RAP1GAP: variants seen among roughly 807,000 people sequenced by gnomAD.
RAP1GAP encodes the protein rap1 GTPase-activating protein 1.
A neutral mutation model predicts 87.2 loss-of-function variants in RAP1GAP; 35 were observed. The ratio of observed to expected loss-of-function variants is 0.40; its 90% CI spans 0.31 to 0.53. The LOEUF is 0.53. Ranked by LOEUF, RAP1GAP falls within the 20% of genes least tolerant of loss-of-function variation. RAP1GAP has a pLI of 0.48. For synonymous variants in RAP1GAP, 375 were observed against 363.9 expected, an observed-to-expected ratio of 1.03 and a Z score of -0.35; for missense variants, 734 against 898.9, an observed-to-expected ratio of 0.82 and a Z score of 2.35.
intron 2 of RAP1GAP, among the ~76,000 whole-genome samples, chr1:21,641,074 A>ATTTTTTTTTT (rs546229041): frequency 7.6e-6 from 1 of 132,130 alleles, no homozygotes; most frequent in African/African-American, 2.9e-5. Context: ...CGCCCAGCTA[A>ATTTTTTTTTT]TTTTTTTTTT....
chr1:21,612,176 G>C (rs1036452117), intron 10 of RAP1GAP, 67 bp from the exon 11 acceptor site: 1 of 1,307,780 alleles, frequency 7.6e-7, no homozygotes, highest in East Asian at 2.5e-5. Context: ...CTCTTCCCCC[G>C]TGCCAAGCAC....
Position 21,603,726 on chromosome 1 carries a change from G to T in RAP1GAP, c.1429-813C>A. 8.0e-7 allele frequency: 1 copy of T among 1,248,500 alleles called. No homozygotes were observed. Among genetic ancestry groups the T allele is most frequent in the Non-Finnish European group, 1.2e-6 (1 of 852,874 alleles). 77.3% of individuals were successfully genotyped at this position (1,248,500 alleles called of 1,614,324 possible). ...CTCCATCCCGCACGCCCTGGGGCCT[G>T]TCCCGGGGGCAGAGGGGCAACGTCC... On this transcript the variant is annotated intron_variant, in intron 18 of 24. Transcript: ENST00000374765. This position sits in a 1 kb window ranked among gnomAD's most constrained non-coding sequence, Gnocchi z 6.0.
Position 21,613,956 on chromosome 1 carries a change from G to A in RAP1GAP, c.395+30C>T. On this transcript the variant is annotated intron_variant, in intron 8 of 24. Transcript: ENST00000374765. This position sits in a 1 kb window ranked among gnomAD's most constrained non-coding sequence, Gnocchi z 4.7. Reference sequence around the variant, plus strand: ...AGATTGTAAGACCTCAGCCCTTCCTGCCATCTCAGGACTCCCCCACCACCC... The same window carrying A: ...AGATTGTAAGACCTCAGCCCTTCCTACCATCTCAGGACTCCCCCACCACCC... 1 of 1,501,192 alleles carries A rather than the reference G, an allele frequency of 6.7e-7. No individual in the cohort carries two copies. Among genetic ancestry groups the A allele is most frequent in the Non-Finnish European group, 9.2e-7 (1 of 1,086,926 alleles). 93.0% of individuals were successfully genotyped at this position (1,501,192 alleles called of 1,614,324 possible). A position where few individuals can be genotyped will look rare whatever the true frequency, so the allele number is the denominator to read the frequency against.
Position 21,598,032 on chromosome 1 carries a change from T to A in RAP1GAP, c.1912A>T (p.Lys638Ter). ...TCGGGACACGCAGGGTCCCCCAACT[T>A]GCCGGCGTCTGGGTGGGGTGATCGA... ...PSRSPHPDAG[K>*]LGDPACPEIK... Residue 638 changes from lysine to a stop codon, truncating the protein, a stop_gained, in exon 23 of 25, where the codon AAG (lysine) becomes TAG (stop). Transcript: ENST00000374765. LOFTEE classifies it high-confidence loss of function. 2 of 1,478,010 alleles carry A rather than the reference T, an allele frequency of 1.4e-6. No individual in the cohort carries two copies. Among genetic ancestry groups the A allele is most frequent in the Non-Finnish European group, 1.8e-6 (2 of 1,099,298 alleles). 91.6% of individuals were successfully genotyped at this position (1,478,010 alleles called of 1,614,324 possible).
At chr1:21,667,995 ACCTGAT>A (rs1207952563) in intron 1 of RAP1GAP, among the ~76,000 whole-genome samples, 1 of 152,052 alleles carries the variant, frequency 6.6e-6, no homozygotes, top group Non-Finnish European at 1.5e-5. Context: ...GGCCAGCTGG[ACCTGAT>A]CACTGCCTCC....
intron 2 of RAP1GAP, among the ~76,000 whole-genome samples, chr1:21,631,744 T>C (rs1237864280): frequency 6.6e-6 from 1 of 152,166 alleles, no homozygotes; most frequent in African/African-American, 2.4e-5. Context: ...TATAAACCTT[T>C]TTTCCAGATG....
At position 21,668,346 on chromosome 1, in the gene RAP1GAP, G is replaced by T. The variant is rs2097445705; in HGVS notation, c.-149+908C>A. 6.6e-6 allele frequency among the ~76,000 whole-genome samples: 1 copy of T among 152,140 alleles called. No individual in the cohort carries two copies. Among genetic ancestry groups the T allele is most frequent in the Non-Finnish European group, 1.5e-5 (1 of 68,016 alleles). ...CTGCCGCCCCAGGGGCCTGACCTCT[G>T]ACTTGGCAGGGAGGGGAATGGAGCC... On this transcript the variant is annotated intron_variant, in intron 1 of 24. Coordinates refer to ENST00000374765, the MANE Select transcript of RAP1GAP (RefSeq NM_002885.4). This position sits in a 1 kb window ranked among gnomAD's most constrained non-coding sequence, Gnocchi z 6.2.
chr1:21,649,935 G>C, intron 1 of RAP1GAP, 139 bp from the exon 2 acceptor site: 1 of 844,594 alleles, frequency 1.2e-6, no homozygotes, highest in South Asian at 1.6e-5. Flanking sequence ...GCCTGATGCA[G>C]TCACTATCAC....
At chr1:21,626,457 G>A (rs1293003994) in intron 2 of RAP1GAP, 60 bp from the exon 3 acceptor site, 1 of 1,370,846 alleles carries the variant, frequency 7.3e-7, no homozygotes, top group African/African-American at 1.4e-5. Flanking sequence ...TGGGAACTCT[G>A]GGAGAGTCAC....
Position 21,626,558 on chromosome 1 carries a change from G to A in RAP1GAP, c.-112-161C>T, listed in dbSNP as rs139927819. ...AGGAGGGAGAGGAGGGGCTTCATTA[G>A]CAGGGCTACCACACAGGCTTCTCCT... On this transcript the variant is annotated intron_variant, in intron 2 of 24. Transcript: ENST00000374765. Among the ~76,000 whole-genome samples, 1,467 of 152,258 alleles carry A rather than the reference G, an allele frequency of 9.6e-3. 9 individuals carry two copies. Among genetic ancestry groups the A allele is most frequent in the Non-Finnish European group, 0.014 (983 of 67,996 alleles).
At chr1:21,633,706 T>A (rs1258293805) in intron 2 of RAP1GAP, among the ~76,000 whole-genome samples, 2 of 151,776 alleles carry the variant, frequency 1.3e-5, no homozygotes, top group Non-Finnish European at 2.9e-5. Context: ...GAGAAGAATT[T>A]TTTGGGGGCA....
chr1:21,639,470 G>A (rs1319590630), intron 2 of RAP1GAP, among the ~76,000 whole-genome samples: 2 of 152,246 alleles, frequency 1.3e-5, no homozygotes, highest in African/African-American at 4.8e-5. Flanking sequence ...AATCCTGCCT[G>A]TGCCAAGCTC....
chr1:21,657,888 G>A (rs947732899), intron 1 of RAP1GAP, among the ~76,000 whole-genome samples: 3 of 152,160 alleles, frequency 2.0e-5, no homozygotes, highest in African/African-American at 7.2e-5. Context: ...AGGCCAACCA[G>A]TCTGGGACTC....
At chr1:21,652,779 CTG>C (rs1421841740) in intron 1 of RAP1GAP, among the ~76,000 whole-genome samples, 2 of 152,300 alleles carry the variant, frequency 1.3e-5, no homozygotes, top group Admixed American at 1.3e-4. Context: ...CCAAGTGGAG[CTG>C]TGTCAGCAGA....
Position 21,598,059 on chromosome 1 carries a change from AG to A in RAP1GAP, c.1884del (p.Ser629LeufsTer144). The A allele has an allele frequency of 1.0e-6, 1 of 992,922 alleles. No individual in the cohort carries two copies. The highest frequency in any genetic ancestry group is 1.5e-6 in the Non-Finnish European group (1 of 686,066). The allele number at this position is 992,922 out of a possible 1,614,324, so 61.5% of individuals were successfully genotyped here. A position where few individuals can be genotyped will look rare whatever the true frequency, so the allele number is the denominator to read the frequency against. On this transcript the variant is annotated frameshift_variant, in exon 23 of 25. Transcript: ENST00000374765. LOFTEE classifies it high-confidence loss of function. ...STTSGGSSPG[P>X]SRSPHPDAGK... ...CCGGCGTCTGGGTGGGGTGATCGAG[AG>A]GGGCCTGGGGAGGGGGGCAGGAGGG...
intron 2 of RAP1GAP, among the ~76,000 whole-genome samples, chr1:21,640,747 ACT>A (rs1050017198): frequency 6.6e-6 from 1 of 151,938 alleles, no homozygotes; most frequent in African/African-American, 2.4e-5. Flanking sequence ...TGGAGGCCTG[ACT>A]CTGCCCTGCA....
chr1:21,607,867 A>C (rs1570573379), intron 17 of RAP1GAP, among the ~76,000 whole-genome samples: 1 of 146,792 alleles, frequency 6.8e-6, no homozygotes, highest in Non-Finnish European at 1.5e-5. Flanking sequence ...CCACACCCCC[A>C]CGCCATGTCC....
At position 21,610,192 on chromosome 1, in the gene RAP1GAP, G is replaced by A. The variant is rs556073567; in HGVS notation, c.927C>T (p.Ile309=). 1.5e-4 allele frequency: 244 copies of A among 1,614,012 alleles called. No individual in the cohort carries two copies. The highest frequency in any genetic ancestry group is 1.9e-4 in the Non-Finnish European group (229 of 1,180,034). The part of the protein sequence containing the change: ...DENTPFVPDM[I]ASNFLHAYVV... ...CGTAGGCATGCAGGAAGTTGGACGC[G>A]ATCATGTCGGGCACGAAAGGAGTGT... The change falls in exon 14 of 25, where the codon ATC becomes ATT. Residue 309 remains isoleucine (I), a synonymous_variant. Transcript: ENST00000374765.
At chr1:21,607,784 C>T (rs957437787) in intron 17 of RAP1GAP, among the ~76,000 whole-genome samples, 2 of 152,092 alleles carry the variant, frequency 1.3e-5, no homozygotes, top group Admixed American at 6.5e-5. Flanking sequence ...ACTATGTCCC[C>T]AAGTGTAAGC....
Sources: allele counts gnomAD v4.1 joint callset (sites outside exome capture counted in the v4.1 genomes callset), GRCh38; gene constraint gnomAD v4.1.1; non-coding constraint Gnocchi (gnomAD v3.1); transcripts MANE v1.5; gene names NCBI Gene and HGNC (gene_info 2026-07-23, HGNC 2026-07-21).